Variants in CHCHD3 observed in about 807,000 individuals in gnomAD.
CHCHD3 encodes MICOS complex subunit MIC19.
A neutral mutation model predicts 38.2 loss-of-function variants in CHCHD3; 20 were observed. That is an observed-to-expected ratio of 0.52 (90% confidence interval 0.37 to 0.76). CHCHD3 has a LOEUF of 0.76. Ranked by LOEUF, CHCHD3 falls within the 30% of genes least tolerant of loss-of-function variation. The pLI is 0.00. For synonymous variants in CHCHD3, 82 were observed against 100.0 expected, an observed-to-expected ratio of 0.82 and a Z score of 1.07; for missense variants, 245 against 279.2, an observed-to-expected ratio of 0.88 and a Z score of 0.87.
intron 4 of CHCHD3, among the ~76,000 whole-genome samples, chr7:132,905,416 TG>T (rs1395148659): frequency 1.3e-5 from 2 of 150,408 alleles, no homozygotes; most frequent in African/African-American, 4.9e-5. Context: ...CATGGACACA[TG>T]GGGGGAAACA....
intron 2 of CHCHD3, among the ~76,000 whole-genome samples, chr7:133,042,465 C>T (rs781544748): frequency 4.6e-5 from 7 of 152,168 alleles, no homozygotes; most frequent in Non-Finnish European, 7.3e-5. Context: ...CCATCCTTAT[C>T]CCAGAAAGAT....
chr7:133,006,492 T>A (rs1812703956), intron 3 of CHCHD3, among the ~76,000 whole-genome samples: 2 of 49,676 alleles, frequency 4.0e-5, no homozygotes, highest in African/African-American at 1.2e-4. Flanking sequence ...AATAAATAAA[T>A]AAAAAAATAA....
In CHCHD3 at chr7:133,035,666, C is replaced by T. The variant is rs905566702; in HGVS notation, c.170-11039G>A. On this transcript the variant is annotated intron_variant, in intron 2 of 7. Coordinates refer to ENST00000262570, the MANE Select transcript of CHCHD3 (RefSeq NM_017812.4). The surrounding 1 kb of genome is among the most constrained non-coding windows in gnomAD (Gnocchi z 4.7). Reference sequence around the variant, plus strand: ...GGGCTGCTGCCTCTGGAGTACTTCCCCGCAGCTCCTCATTGCTCACATAGT... The same window carrying T: ...GGGCTGCTGCCTCTGGAGTACTTCCTCGCAGCTCCTCATTGCTCACATAGT... 43 of 1,612,228 alleles carry T rather than the reference C, an allele frequency of 2.7e-5. 1 individual carries two copies. The East Asian group carries it at 9.6e-4, about 36-fold the overall frequency.
intron 5 of CHCHD3, among the ~76,000 whole-genome samples, chr7:132,843,344 A>G (rs1159851426): frequency 6.6e-6 from 1 of 152,198 alleles, no homozygotes; most frequent in Non-Finnish European, 1.5e-5. Flanking sequence ...ATTTACAAGC[A>G]GCTTGGGTGA....
intron 2 of CHCHD3, among the ~76,000 whole-genome samples, chr7:133,036,491 T>C (rs1813679529): frequency 6.6e-6 from 1 of 152,156 alleles, no homozygotes; most frequent in African/African-American, 2.4e-5. Flanking sequence ...GTGTGGGTGT[T>C]GGGGGTATAT....
At chr7:133,062,313 T>C (rs2117522913) in intron 2 of CHCHD3, among the ~76,000 whole-genome samples, 1 of 152,334 alleles carries the variant, frequency 6.6e-6, no homozygotes, top group Non-Finnish European at 1.5e-5. Flanking sequence ...AAAAATATTG[T>C]TAATATTGTT....
chr7:132,902,336 A>T (rs969420900), intron 4 of CHCHD3, among the ~76,000 whole-genome samples: 3 of 152,252 alleles, frequency 2.0e-5, no homozygotes, highest in Non-Finnish European at 4.4e-5. Flanking sequence ...CCAAAGGATT[A>T]TAAGTCATGC....
At chr7:133,058,459 A>G (rs1814405753) in intron 2 of CHCHD3, among the ~76,000 whole-genome samples, 2 of 152,190 alleles carry the variant, frequency 1.3e-5, no homozygotes, top group African/African-American at 4.8e-5. Context: ...TATTTTGTTA[A>G]AATAATTTGT....
intron 3 of CHCHD3, among the ~76,000 whole-genome samples, chr7:132,992,460 C>CT (rs141157756): frequency 0.01 from 1,566 of 152,240 alleles, 29 homozygotes; most frequent in African/African-American, 0.036. Context: ...ACAACTACCT[C>CT]TTCCCATTGC....
intron 3 of CHCHD3, among the ~76,000 whole-genome samples, chr7:133,021,819 GCTCATGC>G (rs1479730005): frequency 6.6e-6 from 1 of 152,126 alleles, no homozygotes; most frequent in African/African-American, 2.4e-5. Context: ...AGGCACGGTG[GCTCATGC>G]CTGTAATCCC....
At chr7:132,883,597 G>C (rs1644517619) in intron 5 of CHCHD3, among the ~76,000 whole-genome samples, 1 of 152,128 alleles carries the variant, frequency 6.6e-6, no homozygotes, top group Non-Finnish European at 1.5e-5. Flanking sequence ...AACTATATGA[G>C]CTTCATACTT....
chr7:132,977,943 A>T (rs1409190899), intron 3 of CHCHD3, among the ~76,000 whole-genome samples: 2 of 152,188 alleles, frequency 1.3e-5, no homozygotes, highest in Admixed American at 1.3e-4. Flanking sequence ...ATAAAAATAA[A>T]CATATTTAGC....
At chr7:132,960,044 G>A (rs1053763789) in intron 4 of CHCHD3, among the ~76,000 whole-genome samples, 5 of 152,168 alleles carry the variant, frequency 3.3e-5, no homozygotes, top group African/African-American at 1.2e-4. Context: ...CCTCTCACTC[G>A]CAGCAGCAAC....
At chr7:133,047,970 C>T (rs2117494002) in intron 2 of CHCHD3, among the ~76,000 whole-genome samples, 1 of 152,192 alleles carries the variant, frequency 6.6e-6, no homozygotes, top group South Asian at 2.1e-4. Flanking sequence ...TGCCTGTAAT[C>T]CCAAGCTACT....
chr7:132,871,884 A>T (rs1425840686), intron 5 of CHCHD3, among the ~76,000 whole-genome samples: 1 of 152,234 alleles, frequency 6.6e-6, no homozygotes, highest in South Asian at 2.1e-4. Context: ...AGAGGTATAA[A>T]GCATTATGGA....
intron 3 of CHCHD3, among the ~76,000 whole-genome samples, chr7:133,020,156 C>A (rs1813141470): frequency 6.6e-6 from 1 of 152,106 alleles, no homozygotes; most frequent in Non-Finnish European, 1.5e-5. Flanking sequence ...ATTGTGGAAG[C>A]AAATCACTTA....
chr7:132,847,522 G>A (rs578034256), intron 5 of CHCHD3: 7 of 152,290 alleles, frequency 4.6e-5, no homozygotes, highest in South Asian at 4.1e-4. Context: ...GGAAGGAAAC[G>A]AGAATCAACA....
chr7:132,921,975 C>T (rs987128857), intron 4 of CHCHD3, among the ~76,000 whole-genome samples: 5 of 152,214 alleles, frequency 3.3e-5, no homozygotes, highest in South Asian at 2.1e-4. Flanking sequence ...CAAGGATTCA[C>T]GGCTAGAAAC....
At chr7:133,027,843 T>G (rs894293319) in intron 2 of CHCHD3, among the ~76,000 whole-genome samples, 1 of 152,156 alleles carries the variant, frequency 6.6e-6, no homozygotes, top group African/African-American at 2.4e-5. Flanking sequence ...GCAGAGAAAT[T>G]TCAGGCAGTA....
Sources: allele counts gnomAD v4.1 joint callset (sites outside exome capture counted in the v4.1 genomes callset), GRCh38; gene constraint gnomAD v4.1.1; non-coding constraint Gnocchi (gnomAD v3.1); transcripts MANE v1.5; gene names NCBI Gene and HGNC (gene_info 2026-07-23, HGNC 2026-07-21).